UQCC2: variants seen among roughly 807,000 people sequenced by gnomAD.
The protein encoded by UQCC2 is breast cancer-associated protein SGA-81M.
A neutral mutation model predicts 19.9 loss-of-function variants in UQCC2; 21 were observed. The observed-to-expected ratio is 1.05, with a 90% confidence interval of 0.75 to 1.52. The LOEUF is 1.52. UQCC2 is among the 40% of genes most tolerant of loss of function. The probability of loss-of-function intolerance (pLI) is 0.00; values close to 1 mark genes in which losing one functional copy is unlikely to be tolerated. For synonymous variants in UQCC2, 57 were observed against 60.9 expected (o/e 0.94, Z 0.30); for missense variants, 135 against 157.5 (o/e 0.86, Z 0.76).
chr6:33,706,320 T>C (rs769893637), intron 1 of UQCC2, among the ~76,000 whole-genome samples: 3 of 152,170 alleles, frequency 2.0e-5, no homozygotes, highest in South Asian at 2.1e-4. Context: ...TTCCCTTCAA[T>C]TGAGTTGAAA....
chr6:33,704,055 C>T (rs116261455), intron 1 of UQCC2, among the ~76,000 whole-genome samples: 1 of 152,174 alleles, frequency 6.6e-6, no homozygotes, highest in Non-Finnish European at 1.5e-5. Context: ...GCCCCTACGT[C>T]CCCGGTGGTG....
chr6:33,704,359 G>A (rs1383959843), intron 1 of UQCC2, among the ~76,000 whole-genome samples: 1 of 152,236 alleles, frequency 6.6e-6, no homozygotes, highest in Non-Finnish European at 1.5e-5. Context: ...GGGTGCTCCA[G>A]GCACAGGACC....
intron 2 of UQCC2, among the ~76,000 whole-genome samples, chr6:33,701,093 G>A (rs1403584506): frequency 6.6e-6 from 1 of 152,094 alleles, no homozygotes; most frequent in African/African-American, 2.4e-5. Context: ...AGCACACACT[G>A]GCATATCAAA....
At chr6:33,711,332 A>G (rs1468687580) in intron 1 of UQCC2, among the ~76,000 whole-genome samples, 1 of 152,236 alleles carries the variant, frequency 6.6e-6, no homozygotes, top group Non-Finnish European at 1.5e-5. Context: ...GTTTAAAAAA[A>G]GCTTCTTCGG....
At chr6:33,701,787 T>C (rs1166262036) in intron 1 of UQCC2, among the ~76,000 whole-genome samples, 2 of 151,114 alleles carry the variant, frequency 1.3e-5, no homozygotes, top group African/African-American at 4.9e-5. Flanking sequence ...CTGGGCAGAG[T>C]GGGCTACAGG....
At chr6:33,711,449 G>A (rs538181069) in intron 1 of UQCC2, 100 bp downstream of exon 1, 15 of 1,461,152 alleles carry the variant, frequency 1.0e-5, no homozygotes, top group African/African-American at 5.7e-5. Context: ...CCTGGAAAGA[G>A]GGCGCGCGCA....
In UQCC2 at chr6:33,709,326, T is replaced by A. The variant is rs1034167797; in HGVS notation, c.138+2223A>T. 5.9e-5 allele frequency among the ~76,000 whole-genome samples: 9 copies of A among 152,242 alleles called. No individual in the cohort carries two copies. The East Asian group carries it at 1.7e-3, about 29-fold the overall frequency. On this transcript the variant is annotated intron_variant, in intron 1 of 3. Coordinates refer to ENST00000607484, the MANE Select transcript of UQCC2 (RefSeq NM_032340.4). The stretch of plus-strand genomic sequence containing the variant: ...CTCTTCACAACTTCTCTTCATCTAG[T>A]TCTGCTACATCTGAAACTATATTCA...
At chr6:33,705,859 G>A (rs139509408) in intron 1 of UQCC2, among the ~76,000 whole-genome samples, 88 of 152,254 alleles carry the variant, frequency 5.8e-4, no homozygotes, top group East Asian at 1.9e-3. Flanking sequence ...GATCACAGAC[G>A]TTTTAGGACT....
At chr6:33,711,479 G>A in intron 1 of UQCC2, 70 bp downstream of exon 1, 1 of 1,511,900 alleles carries the variant, frequency 6.6e-7, no homozygotes, top group South Asian at 1.3e-5. Flanking sequence ...CCCCCTGCTA[G>A]CGCGCTCGTT....
rs75241756 is a variant in UQCC2, at chr6:33,698,838, A to G, written c.284-1088T>C. Reference sequence around the variant, plus strand: ...CCCCCCAGTACGGAACCATTTGTCTAAAGTCTCTAGGGCTAATGTTCCATG... The same window carrying G: ...CCCCCCAGTACGGAACCATTTGTCTGAAGTCTCTAGGGCTAATGTTCCATG... On this transcript the variant is annotated intron_variant, in intron 3 of 3. Transcript: ENST00000607484. Among the ~76,000 whole-genome samples, 22 of 152,306 alleles carry G rather than the reference A, an allele frequency of 1.4e-4. 1 individual carries two copies. The East Asian group carries it at 4.2e-3, about 29-fold the overall frequency.
Position 33,707,929 on chromosome 6 carries a change from G to A in UQCC2, c.138+3620C>T, listed in dbSNP as rs554909464. ...TGTAAGAGGAGTTACATGTGTTCCC[G>A]CTCCCACCACCACCTCCCCACTTGG... On this transcript the variant is annotated intron_variant, in intron 1 of 3. Transcript: ENST00000607484. Among the ~76,000 whole-genome samples the A allele has an allele frequency of 2.0e-5, 3 of 152,308 alleles. No homozygotes were observed. The South Asian group carries it at 6.2e-4, about 32-fold the overall frequency.
chr6:33,706,397 C>T (rs4713661), intron 1 of UQCC2, among the ~76,000 whole-genome samples: 1 of 152,016 alleles, frequency 6.6e-6, no homozygotes, highest in African/African-American at 2.4e-5. Flanking sequence ...GCCACAAAGA[C>T]GACGACCCAG....
chr6:33,701,298 G>C, intron 2 of UQCC2, 48 bp downstream of exon 2: 1 of 1,556,380 alleles, frequency 6.4e-7, no homozygotes. Flanking sequence ...ATTCTTATTA[G>C]TTGTCCCGTC....
chr6:33,702,950 G>A lies in UQCC2; in HGVS notation c.139-1530C>T, dbSNP rs145562078. Among the ~76,000 whole-genome samples, 391 of 152,314 alleles carry A rather than the reference G, an allele frequency of 2.6e-3. 2 individuals carry two copies. Among genetic ancestry groups the A allele is most frequent in the African/African-American group, 8.7e-3 (363 of 41,564 alleles). On this transcript the variant is annotated intron_variant, in intron 1 of 3. Transcript: ENST00000607484. ...TTAGTTCTACCTGACCCATTCCTGC[G>A]TTCAGGCTACTCATCATGAGAATGT...
chr6:33,700,208 T>C (rs2127333602), intron 3 of UQCC2, among the ~76,000 whole-genome samples: 1 of 152,354 alleles, frequency 6.6e-6, no homozygotes, highest in Non-Finnish European at 1.5e-5. Flanking sequence ...TGTTCCCTGA[T>C]GCCCAGCCTT....
At chr6:33,707,817 G>A (rs894298023) in intron 1 of UQCC2, among the ~76,000 whole-genome samples, 1 of 152,198 alleles carries the variant, frequency 6.6e-6, no homozygotes, top group Non-Finnish European at 1.5e-5. Flanking sequence ...AGCGCTGTAG[G>A]AAACACGTGT....
chr6:33,700,632 G>A, intron 2 of UQCC2, 119 bp from the exon 3 acceptor site: 4 of 994,060 alleles, frequency 4.0e-6, no homozygotes, highest in Non-Finnish European at 6.3e-6. Context: ...CTAGCAAGGA[G>A]AAGAGCAGCG....
intron 1 of UQCC2, among the ~76,000 whole-genome samples, chr6:33,705,248 G>A (rs1006636238): frequency 2.1e-4 from 32 of 152,078 alleles, no homozygotes; most frequent in African/African-American, 7.5e-4. Context: ...AGCCAGGATG[G>A]TCTCAATCTC....
intron 3 of UQCC2, among the ~76,000 whole-genome samples, chr6:33,700,033 G>A (rs1765620784): frequency 6.6e-6 from 1 of 152,156 alleles, no homozygotes; most frequent in African/African-American, 2.4e-5. Flanking sequence ...CGTCCCCTGG[G>A]TCACATAACT....
Sources: gnomAD v4.1 joint callset for allele counts (sites outside exome capture counted in the v4.1 genomes callset) on GRCh38, gnomAD v4.1.1 for gene constraint, MANE v1.5 for transcripts, NCBI Gene and HGNC (gene_info 2026-07-23, HGNC 2026-07-21) for gene names.